Variants in POLI observed in about 807,000 individuals in gnomAD.
POLI encodes DNA polymerase iota.
POLI carries 58 observed loss-of-function variants against 51.6 expected under a neutral mutation model. That is an observed-to-expected ratio of 1.12 (90% CI 0.91 to 1.40). POLI has a LOEUF of 1.40. Ranked by LOEUF, POLI falls within the 40% of genes most tolerant of loss-of-function variation. The pLI is 0.00. For missense variants in POLI, 921 were observed against 871.3 expected, an observed-to-expected ratio of 1.06 and a Z score of -0.72; for synonymous variants, 322 against 299.7, an observed-to-expected ratio of 1.07 and a Z score of -0.77.
chr18:54,285,978 C>T (rs1330989705), intron 7 of POLI, among the ~76,000 whole-genome samples: 1 of 152,138 alleles, frequency 6.6e-6, no homozygotes, highest in Non-Finnish European at 1.5e-5. Context: ...TCAAGCAATC[C>T]TCCCACCTCA....
chr18:54,311,754 A>T (rs1052719455), intron 3 of POLI, among the ~76,000 whole-genome samples: 1 of 152,194 alleles, frequency 6.6e-6, no homozygotes, highest in African/African-American at 2.4e-5. Flanking sequence ...CTTAGTATGC[A>T]CTTCCTTGGT....
intron 3 of POLI, among the ~76,000 whole-genome samples, chr18:54,313,897 C>T (rs536493400): frequency 6.6e-5 from 10 of 152,158 alleles, no homozygotes; most frequent in East Asian, 1.9e-4. Context: ...TGTCTGCAAA[C>T]GGGGATAGTT....
Position 54,291,843 on chromosome 18 carries a change from T to C in POLI, c.1209T>C (p.Asp403=), listed in dbSNP as rs1252201098. ...VIQKLGTGNY[D]VMTPMVDILM... is the part of the protein sequence containing the mutation. Reference sequence around the variant, plus strand: ...AAACATTTTATTTAGGAAATTATGATGTGATGACCCCAATGGTTGATATAC... The same window carrying C: ...AAACATTTTATTTAGGAAATTATGACGTGATGACCCCAATGGTTGATATAC... Residue 403 remains aspartate (D), a synonymous_variant, in exon 9 of 10, where the codon GAT becomes GAC. Coordinates refer to ENST00000579534, the MANE Select transcript of POLI (RefSeq NM_007195.3). The C allele has an allele frequency of 6.6e-7, 1 of 1,512,856 alleles. No homozygotes were observed. The highest frequency in any genetic ancestry group is 1.7e-5 in the Admixed American group (1 of 59,200). 93.7% of individuals were successfully genotyped at this position (1,512,856 alleles called of 1,614,324 possible).
chr18:54,311,546 C>T (rs1216935851), intron 3 of POLI, among the ~76,000 whole-genome samples: 4 of 152,130 alleles, frequency 2.6e-5, no homozygotes, highest in African/African-American at 9.7e-5. Flanking sequence ...TATGTAGATA[C>T]ATGTATACTG....
intron 7 of POLI, among the ~76,000 whole-genome samples, chr18:54,286,615 T>C (rs1373817267): frequency 6.6e-6 from 1 of 152,180 alleles, no homozygotes; most frequent in Non-Finnish European, 1.5e-5. Flanking sequence ...TGTCAGTGAA[T>C]GATTCAGTTT....
chr18:54,293,789 T>C lies in POLI; in HGVS notation c.1545T>C (p.Ile515=), dbSNP rs747949443. The C allele has an allele frequency of 8.1e-6, 13 of 1,606,444 alleles. No homozygotes were observed. The African/African-American group carries it at 1.2e-4, about 15-fold the overall frequency. The change falls in exon 10 of 10, where the codon ATT becomes ATC. Residue 515 remains isoleucine (I), a synonymous_variant. Transcript: ENST00000579534. ...DTTNFSKEKD[I]NEFPLCSLPE... ...CAAATTTTTCTAAAGAAAAAGACAT[T>C]AATGAATTCCCACTCTGTTCACTTC... is the stretch of plus-strand genomic sequence containing the variant.
At chr18:54,282,714 A>C (rs1256040690) in intron 5 of POLI, 123 bp from the exon 6 acceptor site, 1 of 596,928 alleles carries the variant, frequency 1.7e-6, no homozygotes, top group Non-Finnish European at 2.8e-6. Flanking sequence ...CCTGTGGATA[A>C]GGGGGGACTA....
chr18:54,292,149 G>A (rs1432615073), intron 9 of POLI, 111 bp downstream of exon 9: 5 of 674,148 alleles, frequency 7.4e-6, no homozygotes, highest in Non-Finnish European at 1.3e-5. Flanking sequence ...AGATTCTTTT[G>A]GGTGATATTG....
chr18:54,273,312 G>C (rs2087090631), intron 2 of POLI, among the ~76,000 whole-genome samples: 1 of 150,232 alleles, frequency 6.7e-6, no homozygotes, highest in Non-Finnish European at 1.5e-5. Context: ...CTTTATATTA[G>C]CAAGTTACGG....
chr18:54,295,659 A>C lies in POLI; in HGVS notation c.*1192A>C. ...TTTTTTGTTTTGGAGACAGAGTCTC[A>C]CTCTGTCGCCCAGGGTGGAGTACAG... On this transcript the variant is annotated 3_prime_UTR_variant, in exon 10 of 10. Transcript: ENST00000579534. The C allele has an allele frequency of 6.9e-6, 3 of 432,774 alleles. No homozygotes were observed. The highest frequency in any genetic ancestry group is 9.2e-6 in the Non-Finnish European group (3 of 325,540). 26.8% of individuals were successfully genotyped at this position (432,774 alleles called of 1,614,324 possible).
downstream of POLI, among the ~76,000 whole-genome samples, chr18:54,301,928 C>G (rs1280033469): frequency 6.6e-6 from 1 of 152,190 alleles, no homozygotes; most frequent in African/African-American, 2.4e-5. Flanking sequence ...GATACAGTAT[C>G]TTCTCATCTC....
chr18:54,278,754 G>C (rs2087364683), intron 4 of POLI, among the ~76,000 whole-genome samples: 1 of 152,166 alleles, frequency 6.6e-6, no homozygotes, highest in Non-Finnish European at 1.5e-5. Flanking sequence ...ATCTGATTAG[G>C]CTTTCAGACA....
Position 54,282,868 on chromosome 18 carries a change from A to G in POLI, c.828A>G (p.Glu276=). 5.1e-6 allele frequency: 8 copies of G among 1,569,828 alleles called. No homozygotes were observed. The South Asian group carries it at 8.2e-5, about 16-fold the overall frequency. The change falls in exon 6 of 10, where the codon GAA becomes GAG. Residue 276 remains glutamate, a synonymous_variant. Transcript: ENST00000579534. ...GIGYKTAKCL[E]ALGINSVRDL... is the part of the protein sequence containing the mutation. The stretch of plus-strand genomic sequence containing the variant: ...GCTATAAAACTGCCAAATGTCTTGA[A>G]GCACTGGGTATCAATAGTGTGCGTG...
chr18:54,282,545 T>C (rs2087551982), intron 5 of POLI, among the ~76,000 whole-genome samples: 1 of 152,154 alleles, frequency 6.6e-6, no homozygotes, highest in Non-Finnish European at 1.5e-5. Context: ...TATATTGTTA[T>C]AGTTCTGTTT....
Position 54,297,489 on chromosome 18 carries a change from C to T in POLI, c.*3022C>T, listed in dbSNP as rs1197907110. On this transcript the variant is annotated 3_prime_UTR_variant, in exon 10 of 10. Transcript: ENST00000579534. ...GATCTAGTGTTTTGTACTAGGAGAA[C>T]TCTAAAAAGTATCTATTCCACTGTA... 5.1e-6 allele frequency: 5 copies of T among 980,978 alleles called. No homozygotes were observed. Among genetic ancestry groups the T allele is most frequent in the Non-Finnish European group, 6.1e-6 (5 of 826,132 alleles). The allele number at this position is 980,978 out of a possible 1,614,324, so 60.8% of individuals were successfully genotyped here. A position where few individuals can be genotyped will look rare whatever the true frequency, so the allele number is the denominator to read the frequency against.
intron 4 of POLI, among the ~76,000 whole-genome samples, chr18:54,279,909 C>A (rs1008038933): frequency 6.6e-6 from 1 of 152,126 alleles, no homozygotes; most frequent in African/African-American, 2.4e-5. Flanking sequence ...TATAATAATA[C>A]TTCTATGCCT....
At position 54,295,336 on chromosome 18, in the gene POLI, A is replaced by G; in HGVS notation, c.*869A>G. On this transcript the variant is annotated 3_prime_UTR_variant, in exon 10 of 10. Transcript: ENST00000579534. ...GTCATAACAACCACAAATATAGACC[A>G]TTACTAAATTGGTGGATGTCCTCTT... The G allele has an allele frequency of 2.0e-6, 2 of 984,994 alleles. No individual in the cohort carries two copies. Among genetic ancestry groups the G allele is most frequent in the Non-Finnish European group, 2.4e-6 (2 of 829,494 alleles). 61.0% of individuals were successfully genotyped at this position (984,994 alleles called of 1,614,324 possible).
intron 8 of POLI, among the ~76,000 whole-genome samples, chr18:54,289,289 A>T (rs905808313): frequency 1.3e-5 from 2 of 149,488 alleles, no homozygotes; most frequent in East Asian, 3.9e-4. Flanking sequence ...TTAGCCAGTG[A>T]TTGGCAAAGG....
chr18:54,294,651 A>G lies in POLI; in HGVS notation c.*184A>G. 8.0e-7 allele frequency: 1 copy of G among 1,256,988 alleles called. No homozygotes were observed. The highest frequency in any genetic ancestry group is 1.0e-6 in the Non-Finnish European group (1 of 999,958). The allele number at this position is 1,256,988 out of a possible 1,614,324, so 77.9% of individuals were successfully genotyped here. A position where few individuals can be genotyped will look rare whatever the true frequency, so the allele number is the denominator to read the frequency against. On this transcript the variant is annotated 3_prime_UTR_variant, in exon 10 of 10. Coordinates refer to ENST00000579534, the MANE Select transcript of POLI (RefSeq NM_007195.3). Reference sequence around the variant, plus strand: ...AAAGCGTAAAAATATAACAGAAGAAATAATGTAAAATACTATCTTTTATGT... The same window carrying G: ...AAAGCGTAAAAATATAACAGAAGAAGTAATGTAAAATACTATCTTTTATGT...
Sources: gnomAD v4.1 joint callset for allele counts (sites outside exome capture counted in the v4.1 genomes callset) on GRCh38, gnomAD v4.1.1 for gene constraint, MANE v1.5 for transcripts, NCBI Gene and HGNC (gene_info 2026-07-23, HGNC 2026-07-21) for gene names.